The following DEK variants were observed in gnomAD, a reference collection of about 807,000 sequenced individuals.
The protein encoded by DEK is DEK proto-oncogene.
Under a neutral mutation model 46.8 loss-of-function variants are expected in DEK, and 28 were observed. That is an observed-to-expected ratio of 0.60 (90% CI 0.44 to 0.82). DEK has a LOEUF of 0.82. Ranked by LOEUF, DEK falls within the 40% of genes least tolerant of loss-of-function variation. The pLI is 0.00. For missense variants in DEK, 416 were observed against 430.6 expected (o/e 0.97, Z 0.30); for synonymous variants, 160 against 144.5 (o/e 1.11, Z -0.77).
intron 1 of DEK, 58 bp from the exon 2 acceptor site, chr6:18,264,054 G>T: frequency 6.7e-7 from 1 of 1,492,692 alleles, no homozygotes. Flanking sequence ...GGCAGGACCG[G>T]GCGGCCACCC....
intron 6 of DEK, among the ~76,000 whole-genome samples, chr6:18,253,457 A>G (rs557184480): frequency 1.3e-3 from 200 of 152,352 alleles, no homozygotes; most frequent in Non-Finnish European, 2.5e-3. Flanking sequence ...ATTTAATGAC[A>G]GTGTTCAATA....
chr6:18,231,903 G>C (rs1048963278), intron 9 of DEK, among the ~76,000 whole-genome samples: 19 of 152,136 alleles, frequency 1.2e-4, no homozygotes, highest in African/African-American at 4.6e-4. Flanking sequence ...CTGGCAGAGA[G>C]ACAACAAACA....
At chr6:18,254,977 C>T (rs1791542270) in intron 6 of DEK, among the ~76,000 whole-genome samples, 1 of 152,106 alleles carries the variant, frequency 6.6e-6, no homozygotes, top group Non-Finnish European at 1.5e-5. Flanking sequence ...ATGCCATCTC[C>T]CATCAGAGAT....
At chr6:18,231,830 T>A (rs372029516) in intron 9 of DEK, among the ~76,000 whole-genome samples, 3 of 152,154 alleles carry the variant, frequency 2.0e-5, no homozygotes, top group African/African-American at 7.2e-5. Context: ...TTCCAATGAA[T>A]AGAAAAAGAG....
rs553552657 is a variant in DEK, at chr6:18,242,002, A to C, written c.763-4486T>G. 2.0e-5 allele frequency among the ~76,000 whole-genome samples: 3 copies of C among 152,388 alleles called. No homozygotes were observed. In the East Asian group the frequency reaches 5.8e-4, roughly 29 times the overall value. The stretch of plus-strand genomic sequence containing the variant: ...GATAAGCACAAGTGGATTTATACTC[A>C]TTAACTTTCTTAAAGCTATTGCTTA... On this transcript the variant is annotated intron_variant, in intron 7 of 10. Coordinates refer to ENST00000652689, the MANE Select transcript of DEK (RefSeq NM_003472.4).
intron 6 of DEK, among the ~76,000 whole-genome samples, chr6:18,253,214 G>C (rs940439809): frequency 2.0e-5 from 3 of 151,454 alleles, no homozygotes; most frequent in African/African-American, 7.3e-5. Context: ...CTTTTTAAAA[G>C]AACAAATATG....
rs1369074804 is a variant in DEK, at chr6:18,264,443, G to A, written c.-68C>T. ...AGGGCACGAGGAGGTTCTGGGAGGC[G>A]GCGGCGGCCGACGCCGAGGAGAAGG... On this transcript the variant is annotated 5_prime_UTR_variant, in exon 1 of 11. Transcript: ENST00000652689. 1.1e-5 allele frequency: 3 copies of A among 277,360 alleles called. No individual in the cohort carries two copies. Among genetic ancestry groups the A allele is most frequent in the South Asian group, 2.9e-5 (1 of 34,382 alleles). The allele number at this position is 277,360 out of a possible 1,614,324, so 17.2% of individuals were successfully genotyped here. A position where few individuals can be genotyped will look rare whatever the true frequency, so the allele number is the denominator to read the frequency against.
chr6:18,224,550 C>CTGAT lies in DEK; in HGVS notation c.*1165_*1168dup, dbSNP rs1312502132. On this transcript the variant is annotated 3_prime_UTR_variant, in exon 11 of 11. Coordinates refer to ENST00000652689, the MANE Select transcript of DEK (RefSeq NM_003472.4). ...TTATGTTGATCATCTAGAATCAACA[C>CTGAT]TGATTAACCAAACTCTGAAAGCCAA... 1 of 201,554 alleles carries CTGAT rather than the reference C, an allele frequency of 5.0e-6. No individual in the cohort carries two copies. The highest frequency in any genetic ancestry group is 6.0e-5 in the Admixed American group (1 of 16,696). 12.5% of individuals were successfully genotyped at this position (201,554 alleles called of 1,614,324 possible). A position where few individuals can be genotyped will look rare whatever the true frequency, so the allele number is the denominator to read the frequency against.
chr6:18,241,523 C>T (rs2151084295), intron 7 of DEK, among the ~76,000 whole-genome samples: 1 of 152,278 alleles, frequency 6.6e-6, no homozygotes, highest in African/African-American at 2.4e-5. Context: ...ATTATCCCTA[C>T]TTTATGGAAG....
intron 6 of DEK, among the ~76,000 whole-genome samples, chr6:18,252,740 T>C (rs1158216533): frequency 3.3e-5 from 5 of 152,192 alleles, no homozygotes; most frequent in Admixed American, 2.6e-4. Flanking sequence ...ACACTATTTA[T>C]CTGCTCTTTT....
rs944435748 is a variant in DEK at position 18,241,501 on chromosome 6, G to A, written c.763-3985C>T. On this transcript the variant is annotated intron_variant, in intron 7 of 10. Transcript: ENST00000652689. ...ATTAATCCATACTCTCAAAGTACTTGGCCTGCAATTCATTATCCCTACTTT... is the reference window on the plus strand; with the variant it reads ...ATTAATCCATACTCTCAAAGTACTTAGCCTGCAATTCATTATCCCTACTTT... Among the ~76,000 whole-genome samples the A allele has an allele frequency of 2.0e-5, 3 of 152,026 alleles. 1 individual carries two copies. The South Asian group carries it at 6.2e-4, about 32-fold the overall frequency.
intron 7 of DEK, among the ~76,000 whole-genome samples, chr6:18,247,351 T>C (rs921884571): frequency 3.3e-5 from 5 of 152,148 alleles, no homozygotes; most frequent in Non-Finnish European, 2.9e-5. Context: ...CTAGCAAAGG[T>C]AGCAAAAAAA....
chr6:18,254,137 C>A (rs1437361828), intron 6 of DEK, among the ~76,000 whole-genome samples: 1 of 152,154 alleles, frequency 6.6e-6, no homozygotes, highest in Non-Finnish European at 1.5e-5. Flanking sequence ...TCGAGACCAG[C>A]CTGGCCAACA....
chr6:18,240,802 T>A (rs989306192), intron 7 of DEK, among the ~76,000 whole-genome samples: 7 of 151,922 alleles, frequency 4.6e-5, no homozygotes, highest in African/African-American at 9.7e-5. Flanking sequence ...AAAAACTAAT[T>A]TTCTTTTTTT....
intron 9 of DEK, among the ~76,000 whole-genome samples, chr6:18,233,750 G>T (rs1041673178): frequency 8.6e-4 from 66 of 76,848 alleles, no homozygotes; most frequent in African/African-American, 5.1e-3. Flanking sequence ...CTGCTGGTGG[G>T]ACTTTAACTA....
chr6:18,250,856 C>T (rs997362968), intron 6 of DEK, among the ~76,000 whole-genome samples: 3 of 152,044 alleles, frequency 2.0e-5, no homozygotes, highest in Admixed American at 6.5e-5. Flanking sequence ...ATGAACTATA[C>T]GGTTTATATT....
chr6:18,234,347 A>T (rs1790557204), intron 9 of DEK, among the ~76,000 whole-genome samples: 1 of 151,818 alleles, frequency 6.6e-6, no homozygotes, highest in Non-Finnish European at 1.5e-5. Context: ...TAAAAGTATT[A>T]AAAAAAAGAA....
intron 1 of DEK, 131 bp from the exon 2 acceptor site, chr6:18,264,127 A>G: frequency 1.3e-6 from 1 of 769,146 alleles, no homozygotes; most frequent in Middle Eastern, 3.9e-4. Flanking sequence ...CATAGCCGGG[A>G]CCGCAGCGCT....
chr6:18,253,051 A>G (rs1791456811), intron 6 of DEK, among the ~76,000 whole-genome samples: 1 of 152,138 alleles, frequency 6.6e-6, no homozygotes, highest in Non-Finnish European at 1.5e-5. Context: ...GCATTTGTGT[A>G]TCTGAGTTGT....
Sources: gnomAD v4.1 joint callset for allele counts (sites outside exome capture counted in the v4.1 genomes callset) on GRCh38, gnomAD v4.1.1 for gene constraint, MANE v1.5 for transcripts, NCBI Gene and HGNC (gene_info 2026-07-23, HGNC 2026-07-21) for gene names.